The following FBXL20 variants were observed in gnomAD, a reference collection of about 807,000 sequenced individuals.
The protein encoded by FBXL20 is F-box and leucine rich repeat protein 20.
A neutral mutation model predicts 64.0 loss-of-function variants in FBXL20; 11 were observed. The observed-to-expected ratio is 0.17, with a 90% CI of 0.11 to 0.28. The LOEUF is 0.28. Among genes scored for constraint, FBXL20 ranks in the 10% least tolerant of loss-of-function variants. FBXL20 has a pLI of 1.00. For synonymous variants in FBXL20, 184 were observed against 189.0 expected (o/e 0.97, Z 0.22); for missense variants, 303 against 526.2 (o/e 0.58, Z 4.15).
intron 2 of FBXL20, among the ~76,000 whole-genome samples, chr17:39,304,490 A>G (rs995771789): frequency 4.6e-5 from 7 of 152,064 alleles, no homozygotes; most frequent in African/African-American, 9.6e-5. Flanking sequence ...GGGTCTCCCT[A>G]TGTTGCACAG....
At chr17:39,272,982 T>G (rs186178308) in intron 10 of FBXL20, among the ~76,000 whole-genome samples, 51 of 152,322 alleles carry the variant, frequency 3.3e-4, no homozygotes, top group African/African-American at 1.2e-3. Flanking sequence ...TATTACTAAT[T>G]TTGACCAATA....
chr17:39,258,286 C>T lies in FBXL20; in HGVS notation c.*3174G>A, dbSNP rs535559761. On this transcript the variant is annotated 3_prime_UTR_variant, in exon 15 of 15. Transcript: ENST00000264658. Reference sequence around the variant, plus strand: ...TTATGTTCAGATGTCAGGCTCCTTTCCACCTGACCAAAACTTACCATGCTT... The same window carrying T: ...TTATGTTCAGATGTCAGGCTCCTTTTCACCTGACCAAAACTTACCATGCTT... 1 of 152,352 alleles carries T rather than the reference C, an allele frequency of 6.6e-6. No homozygotes were observed. The highest frequency in any genetic ancestry group is 1.9e-4 in the East Asian group (1 of 5,192). 9.4% of individuals were successfully genotyped at this position (152,352 alleles called of 1,614,324 possible). A position where few individuals can be genotyped will look rare whatever the true frequency, so the allele number is the denominator to read the frequency against.
chr17:39,363,064 C>T (rs1023841868), intron 1 of FBXL20, among the ~76,000 whole-genome samples: 2 of 151,752 alleles, frequency 1.3e-5, no homozygotes, highest in Non-Finnish European at 2.9e-5. Flanking sequence ...CAATGGCACG[C>T]GATCTCAGCT....
At chr17:39,272,384 CAAAA>C (rs61446377) in intron 10 of FBXL20, among the ~76,000 whole-genome samples, 86,062 of 130,838 alleles carry the variant, frequency 0.66, 28,848 homozygotes, top group South Asian at 0.89. Flanking sequence ...GACTTTGTCT[CAAAA>C]AAAAAAAAAA....
At chr17:39,380,500 AC>A (rs1038466675) in intron 1 of FBXL20, among the ~76,000 whole-genome samples, 2 of 152,254 alleles carry the variant, frequency 1.3e-5, no homozygotes, top group African/African-American at 4.8e-5. Flanking sequence ...TCCTCTGATA[AC>A]CACACACCTT....
rs2046727126 is a variant in FBXL20, at chr17:39,259,628, C to G, written c.*1832G>C. 6.6e-6 allele frequency: 1 copy of G among 152,050 alleles called. No individual in the cohort carries two copies. The highest frequency in any genetic ancestry group is 2.1e-4 in the South Asian group (1 of 4,820). 9.4% of individuals were successfully genotyped at this position (152,050 alleles called of 1,614,324 possible). On this transcript the variant is annotated 3_prime_UTR_variant, in exon 15 of 15. Coordinates refer to ENST00000264658, the MANE Select transcript of FBXL20 (RefSeq NM_032875.3). Reference sequence around the variant, plus strand: ...GCAGAGACACTAAACCCCTTACTTCCTCTCAGTGTTCTCTTTCAGCTGCCT... The same window carrying G: ...GCAGAGACACTAAACCCCTTACTTCGTCTCAGTGTTCTCTTTCAGCTGCCT...
chr17:39,268,399 A>G (rs1045866708), intron 12 of FBXL20, among the ~76,000 whole-genome samples: 2 of 152,154 alleles, frequency 1.3e-5, no homozygotes, highest in African/African-American at 2.4e-5. Flanking sequence ...GTTAATCAGG[A>G]GATCAGTTTG....
Position 39,401,608 on chromosome 17 carries a change from C to A in FBXL20, c.-206G>T, listed in dbSNP as rs1455287093. ...GCCGGCGGCCGCAACGACTGCTCGT[C>A]GCTAGCTCGGCTCTCTCCTCAGCCT... On this transcript the variant is annotated 5_prime_UTR_variant, in exon 1 of 15. Transcript: ENST00000264658. 2.1e-6 allele frequency: 3 copies of A among 1,403,332 alleles called. No individual in the cohort carries two copies. The highest frequency in any genetic ancestry group is 3.2e-5 in the Admixed American group (1 of 31,168). 86.9% of individuals were successfully genotyped at this position (1,403,332 alleles called of 1,614,324 possible). A position where few individuals can be genotyped will look rare whatever the true frequency, so the allele number is the denominator to read the frequency against.
chr17:39,303,611 G>A lies in FBXL20; in HGVS notation c.133C>T (p.Leu45=), dbSNP rs1371582620. The change falls in exon 3 of 15, where the codon CTG becomes TTG. Residue 45 remains leucine, a synonymous_variant. Transcript: ENST00000264658. ...RIFSFLDVVT[L]CRCAQVSRAW... is the part of the protein sequence containing the mutation. ...CTGGAGACCTGAGCACAGCGGCACA[G>A]GGTAACAACATCTAGAAAAGAAAAT... is the stretch of plus-strand genomic sequence containing the variant. 1 of 1,611,210 alleles carries A rather than the reference G, an allele frequency of 6.2e-7. No homozygotes were observed. The highest frequency in any genetic ancestry group is 8.5e-7 in the Non-Finnish European group (1 of 1,178,644).
chr17:39,394,078 G>A (rs377599885), intron 1 of FBXL20, among the ~76,000 whole-genome samples: 138 of 152,212 alleles, frequency 9.1e-4, no homozygotes, highest in Middle Eastern at 3.4e-3. Context: ...CTAAGAATTC[G>A]CTTAGTCTCA....
intron 2 of FBXL20, among the ~76,000 whole-genome samples, chr17:39,323,608 T>C (rs572755399): frequency 6.6e-6 from 1 of 152,234 alleles, no homozygotes; most frequent in Admixed American, 6.5e-5. Flanking sequence ...CCTTGAAGAA[T>C]ACTACTGACT....
chr17:39,349,930 C>T (rs113632373), intron 1 of FBXL20, among the ~76,000 whole-genome samples: 2 of 133,166 alleles, frequency 1.5e-5, no homozygotes, highest in African/African-American at 6.1e-5. Context: ...AGCGAGACTC[C>T]GTCTCAAAAA....
rs118093505 is a variant in FBXL20 at position 39,287,919 on chromosome 17, A to G, written c.399-2346T>C. 1.6e-3 allele frequency among the ~76,000 whole-genome samples: 243 copies of G among 148,990 alleles called. 2 individuals carry two copies. The highest frequency in any genetic ancestry group is 8.9e-3 in the South Asian group (41 of 4,624). ...TTTGAATACAGCTATCTTAGTGTGT[A>G]TGGTGTGGAATTGCATTGTGGTTTT... On this transcript the variant is annotated intron_variant, in intron 6 of 14. Coordinates refer to ENST00000264658, the MANE Select transcript of FBXL20 (RefSeq NM_032875.3).
chr17:39,272,544 C>T (rs1390515425), intron 10 of FBXL20, among the ~76,000 whole-genome samples: 1 of 150,766 alleles, frequency 6.6e-6, no homozygotes, highest in Non-Finnish European at 1.5e-5. Flanking sequence ...ACCAAAAATA[C>T]CAAAAAAATT....
intron 2 of FBXL20, among the ~76,000 whole-genome samples, chr17:39,325,137 A>G (rs1212904744): frequency 1.3e-5 from 2 of 152,118 alleles, no homozygotes; most frequent in Non-Finnish European, 2.9e-5. Flanking sequence ...GACCCTGGGA[A>G]GCTGAGGCTG....
chr17:39,255,083 T>C lies in FBXL20; in HGVS notation c.*6377A>G, dbSNP rs192993474. 2 of 152,232 alleles carry C rather than the reference T, an allele frequency of 1.3e-5. No individual in the cohort carries two copies. The allele number at this position is 152,232 out of a possible 1,614,324, so 9.4% of individuals were successfully genotyped here. A position where few individuals can be genotyped will look rare whatever the true frequency, so the allele number is the denominator to read the frequency against. ...CAACTCAGCTTCACCTAAGAGGTTA[T>C]GTACTGACCTTCCTAACGATCAAAG... On this transcript the variant is annotated 3_prime_UTR_variant, in exon 15 of 15. Coordinates refer to ENST00000264658, the MANE Select transcript of FBXL20 (RefSeq NM_032875.3).
At chr17:39,330,662 AAAAG>A (rs772257311) in intron 2 of FBXL20, among the ~76,000 whole-genome samples, 24 of 152,314 alleles carry the variant, frequency 1.6e-4, no homozygotes, top group Non-Finnish European at 2.9e-4. Context: ...CTTTTAAAGA[AAAAG>A]AAAGAAAATG....
In FBXL20 at chr17:39,278,447, C is replaced by A. The variant is rs1397375236; in HGVS notation, c.696+2942G>T. On this transcript the variant is annotated intron_variant, in intron 9 of 14. Transcript: ENST00000264658. The stretch of plus-strand genomic sequence containing the variant: ...AGGCACGCGCGTGTGTGCACACATA[C>A]ACACGAAGCTCTCCAGGAATAGTTT... Among the ~76,000 whole-genome samples the A allele has an allele frequency of 3.3e-5, 5 of 152,032 alleles. No individual in the cohort carries two copies. The East Asian group carries it at 9.7e-4, about 29-fold the overall frequency.
chr17:39,332,244 T>C (rs565208973), intron 2 of FBXL20, among the ~76,000 whole-genome samples: 12 of 152,348 alleles, frequency 7.9e-5, no homozygotes, highest in African/African-American at 2.2e-4. Context: ...AGATTGCACA[T>C]GTGCAGAAAA....
Sources: allele counts gnomAD v4.1 joint callset (sites outside exome capture counted in the v4.1 genomes callset), GRCh38; gene constraint gnomAD v4.1.1; transcripts MANE v1.5; gene names NCBI Gene and HGNC (gene_info 2026-07-23, HGNC 2026-07-21).